TMEM132C: variants seen among roughly 807,000 people sequenced by gnomAD.
The protein encoded by TMEM132C is protein phosphatase 1, regulatory subunit 152.
TMEM132C carries 29 observed loss-of-function variants against 61.4 expected under a neutral mutation model. The ratio of observed to expected loss-of-function variants is 0.47; its 90% CI spans 0.35 to 0.64. TMEM132C has a LOEUF of 0.64. Ranked by LOEUF, TMEM132C falls within the 30% of genes least tolerant of loss-of-function variation. The pLI is 0.00. For synonymous variants in TMEM132C, 656 were observed against 633.1 expected, an observed-to-expected ratio of 1.04 and a Z score of -0.54; for missense variants, 1,408 against 1,476.9, an observed-to-expected ratio of 0.95 and a Z score of 0.76.
intron 3 of TMEM132C, among the ~76,000 whole-genome samples, chr12:128,615,726 C>G (rs1876778089): frequency 6.6e-6 from 1 of 152,166 alleles, no homozygotes; most frequent in African/African-American, 2.4e-5. Context: ...CAGCCCTATT[C>G]CTAACAGCCC....
chr12:128,350,139 C>CA (rs1873290881), intron 1 of TMEM132C, among the ~76,000 whole-genome samples: 2 of 152,152 alleles, frequency 1.3e-5, no homozygotes, highest in African/African-American at 4.8e-5. Flanking sequence ...TTTTTGGATG[C>CA]AAATAACATG....
intron 8 of TMEM132C, among the ~76,000 whole-genome samples, chr12:128,704,865 G>A (rs1367809424): frequency 1.3e-5 from 2 of 152,132 alleles, no homozygotes; most frequent in Non-Finnish European, 2.9e-5. Context: ...TTCTGGGTAA[G>A]GATTATGAGG....
At chr12:128,520,053 C>A (rs1285775502) in intron 2 of TMEM132C, among the ~76,000 whole-genome samples, 1 of 152,240 alleles carries the variant, frequency 6.6e-6, no homozygotes, top group Non-Finnish European at 1.5e-5. Context: ...TGATCATGAT[C>A]TGTTTAAACT....
chr12:128,604,151 G>A (rs1876307218), intron 3 of TMEM132C, among the ~76,000 whole-genome samples: 1 of 152,240 alleles, frequency 6.6e-6, no homozygotes, highest in South Asian at 2.1e-4. Context: ...GGGTGGATGA[G>A]TCCATAGATA....
At chr12:128,488,387 G>T (rs117379661) in intron 2 of TMEM132C, among the ~76,000 whole-genome samples, 3,493 of 152,326 alleles carry the variant, frequency 0.023, 61 homozygotes, top group Middle Eastern at 0.037. Flanking sequence ...TTGGCTAGGT[G>T]TGGTGGCTCA....
At position 128,469,551 on chromosome 12, in the gene TMEM132C, G is replaced by A. The variant is rs562120638; in HGVS notation, c.974+53931G>A. Among the ~76,000 whole-genome samples, 20 of 152,010 alleles carry A rather than the reference G, an allele frequency of 1.3e-4. No homozygotes were observed. In the South Asian group the frequency reaches 3.3e-3, roughly 25 times the overall value. On this transcript the variant is annotated intron_variant, in intron 2 of 8. Coordinates refer to ENST00000435159, the MANE Select transcript of TMEM132C (RefSeq NM_001136103.3). ...AGGCTGATCTCAAACTCCTGAACTCGAGAGATACACCCAGCTTTACAGCCA... is the reference window on the plus strand; with the variant it reads ...AGGCTGATCTCAAACTCCTGAACTCAAGAGATACACCCAGCTTTACAGCCA...
chr12:128,588,798 TG>T (rs1211411229), intron 3 of TMEM132C, among the ~76,000 whole-genome samples: 1 of 152,192 alleles, frequency 6.6e-6, no homozygotes, highest in Non-Finnish European at 1.5e-5. Flanking sequence ...GACTTCACCC[TG>T]GGCTTCGGCC....
At chr12:128,686,592 C>G (rs1231158678) in intron 5 of TMEM132C, among the ~76,000 whole-genome samples, 1 of 152,148 alleles carries the variant, frequency 6.6e-6, no homozygotes, top group Non-Finnish European at 1.5e-5. Flanking sequence ...GACCCTGTCT[C>G]TGTTGAAAAA....
intron 1 of TMEM132C, among the ~76,000 whole-genome samples, chr12:128,366,889 C>T (rs990353402): frequency 6.6e-6 from 1 of 152,122 alleles, no homozygotes; most frequent in African/African-American, 2.4e-5. Context: ...GGACAGAGGC[C>T]AAAAATAAGC....
chr12:128,396,281 G>C (rs1450036804), intron 1 of TMEM132C, among the ~76,000 whole-genome samples: 1 of 152,024 alleles, frequency 6.6e-6, no homozygotes, highest in African/African-American at 2.4e-5. Context: ...CTTTCCAACT[G>C]CTTCCTAATA....
intron 2 of TMEM132C, among the ~76,000 whole-genome samples, chr12:128,474,817 A>G (rs1386808827): frequency 6.6e-6 from 1 of 152,180 alleles, no homozygotes; most frequent in Non-Finnish European, 1.5e-5. Context: ...ACAAATTGGT[A>G]CCACATAGTA....
chr12:128,576,936 C>T (rs774970396), intron 3 of TMEM132C, among the ~76,000 whole-genome samples: 1 of 147,692 alleles, frequency 6.8e-6, no homozygotes, highest in Non-Finnish European at 1.5e-5. Flanking sequence ...ATACAATTCA[C>T]ATATTTAAAA....
chr12:128,480,637 C>T (rs888129082), intron 2 of TMEM132C, among the ~76,000 whole-genome samples: 1 of 152,138 alleles, frequency 6.6e-6, no homozygotes, highest in Non-Finnish European at 1.5e-5. Flanking sequence ...GTGAGGACCG[C>T]GTCAGAGCTG....
rs1954838237 is a variant in TMEM132C at position 128,706,142 on chromosome 12, C to A, written c.3174C>A (p.Thr1058=). ...TSKRKKVKFT[T]FTTIPPDDSC... ...AGAGGAAGAAGGTGAAATTTACCAC[C>A]TTTACCACCATCCCCCCGGACGACA... The change falls in exon 9 of 9, where the codon ACC becomes ACA. Residue 1058 remains threonine, a synonymous_variant. Transcript: ENST00000435159. 6 of 1,551,658 alleles carry A rather than the reference C, an allele frequency of 3.9e-6. No individual in the cohort carries two copies. The highest frequency in any genetic ancestry group is 5.2e-6 in the Non-Finnish European group (6 of 1,147,026).
At chr12:128,620,505 G>A (rs142846872) in intron 4 of TMEM132C, among the ~76,000 whole-genome samples, 156 of 152,282 alleles carry the variant, frequency 1.0e-3, no homozygotes, top group Non-Finnish European at 1.7e-3. Flanking sequence ...CTCTGTTAGC[G>A]TCATGGACTT....
chr12:128,284,763 A>G (rs988247413), intron 1 of TMEM132C, among the ~76,000 whole-genome samples: 2 of 152,234 alleles, frequency 1.3e-5, no homozygotes, highest in Non-Finnish European at 1.5e-5. Context: ...AGAAAATGAT[A>G]TAGATGAATT....
chr12:128,447,239 C>G (rs1593056614), intron 2 of TMEM132C, among the ~76,000 whole-genome samples: 1 of 152,144 alleles, frequency 6.6e-6, no homozygotes, highest in East Asian at 1.9e-4. Context: ...GCATGATTGG[C>G]TGAGTTTGGC....
intron 1 of TMEM132C, among the ~76,000 whole-genome samples, chr12:128,402,978 A>G (rs1220670244): frequency 6.6e-6 from 1 of 152,198 alleles, no homozygotes; most frequent in Non-Finnish European, 1.5e-5. Context: ...GGGGGGAACT[A>G]TCCCCCCAGG....
At chr12:128,585,598 A>C (rs1236021267) in intron 3 of TMEM132C, among the ~76,000 whole-genome samples, 1 of 152,246 alleles carries the variant, frequency 6.6e-6, no homozygotes, top group Admixed American at 6.5e-5. Context: ...TAACTGAAAT[A>C]TTGTATAGCC....
Sources: gnomAD v4.1 joint callset for allele counts (sites outside exome capture counted in the v4.1 genomes callset) on GRCh38, gnomAD v4.1.1 for gene constraint, MANE v1.5 for transcripts, NCBI Gene and HGNC (gene_info 2026-07-23, HGNC 2026-07-21) for gene names.